ADAMTS12: variants seen among roughly 807,000 people sequenced by gnomAD.
ADAMTS12 encodes the protein ADAM metallopeptidase with thrombospondin type 1 motif 12, also known as A disintegrin and metalloproteinase with thrombospondin motifs 12.
A neutral mutation model predicts 167.8 loss-of-function variants in ADAMTS12; 118 were observed. The ratio of observed to expected loss-of-function variants is 0.70; its 90% CI spans 0.61 to 0.82. The LOEUF (loss-of-function observed/expected upper bound fraction) is 0.82, where lower values mean the gene tolerates loss of function less well. Among genes scored for constraint, ADAMTS12 ranks in the 40% least tolerant of loss-of-function variants. ADAMTS12 has a pLI of 0.00. For synonymous variants in ADAMTS12, 704 were observed against 716.9 expected, an observed-to-expected ratio of 0.98 and a Z score of 0.29; for missense variants, 1,916 against 1,998.8, an observed-to-expected ratio of 0.96 and a Z score of 0.79.
rs61753558 is a variant in ADAMTS12, at chr5:33,643,454, A to T, written c.1496T>A (p.Leu499Gln). 2.3e-3 allele frequency: 3,644 copies of T among 1,614,078 alleles called. 13 individuals are homozygous for T. The highest frequency in any genetic ancestry group is 2.5e-3 in the Non-Finnish European group (3,005 of 1,179,932). The change falls in exon 10 of 24, where the codon CTG (leucine) becomes CAG (glutamine). Residue 499 changes from leucine to glutamine, a missense_variant. By Grantham distance (113) the Leu-to-Gln change is moderately radical. Transcript: ENST00000504830. ...ACAAAAGCCCTTCACGGAGCACCAC[A>T]GTGTCTGGCAGACGTTCTAGAAAAC... Reference protein sequence around the residue: ...CQEVENVCQTLWCSVKGFCRS... With the variant: ...CQEVENVCQTQWCSVKGFCRS...
chr5:33,651,999 C>T (rs971273403), intron 7 of ADAMTS12, among the ~76,000 whole-genome samples: 11 of 152,096 alleles, frequency 7.2e-5, no homozygotes, highest in Non-Finnish European at 1.3e-4. Flanking sequence ...TGTAGTATTC[C>T]GTGGTCTATA....
intron 18 of ADAMTS12, among the ~76,000 whole-genome samples, chr5:33,583,256 G>C (rs564614973): frequency 6.6e-5 from 10 of 152,118 alleles, no homozygotes; most frequent in Non-Finnish European, 1.2e-4. Context: ...TTCCCTTTCT[G>C]TGCCTGGCTT....
chr5:33,561,286 C>A (rs1745739674), intron 19 of ADAMTS12, 107 bp from the exon 20 acceptor site: 1 of 1,368,000 alleles, frequency 7.3e-7, no homozygotes, highest in Non-Finnish European at 9.8e-7. Flanking sequence ...GCTAACATTG[C>A]CCACAGAGCT....
chr5:33,727,525 C>T (rs1744027887), intron 3 of ADAMTS12, among the ~76,000 whole-genome samples: 1 of 152,204 alleles, frequency 6.6e-6, no homozygotes. Context: ...TCCAGACTTT[C>T]CAAGGGCTTC....
chr5:33,546,968 T>A (rs563766373), intron 21 of ADAMTS12, among the ~76,000 whole-genome samples: 1 of 152,220 alleles, frequency 6.6e-6, no homozygotes, highest in Non-Finnish European at 1.5e-5. Flanking sequence ...TCAGGTAGTA[T>A]GTGTGTGGTA....
At chr5:33,835,907 ATCTCTCTCTCTCTCTC>A (rs60393220) in intron 2 of ADAMTS12, among the ~76,000 whole-genome samples, 8 of 111,794 alleles carry the variant, frequency 7.2e-5, no homozygotes, top group African/African-American at 3.1e-4. Context: ...GATAATATCC[ATCTCTCTCTCTCTCTC>A]TCTCTCTCTC....
At chr5:33,769,123 G>A (rs1034464913) in intron 2 of ADAMTS12, among the ~76,000 whole-genome samples, 3 of 151,996 alleles carry the variant, frequency 2.0e-5, no homozygotes, top group Non-Finnish European at 2.9e-5. Flanking sequence ...CTTGGAAGAT[G>A]GAGAAATGGG....
chr5:33,546,257 G>C, intron 21 of ADAMTS12, 55 bp from the exon 22 acceptor site: 3 of 1,525,842 alleles, frequency 2.0e-6, no homozygotes, highest in Non-Finnish European at 2.7e-6. Context: ...CATGTTTAAT[G>C]ATAAGTGAAG....
intron 3 of ADAMTS12, among the ~76,000 whole-genome samples, chr5:33,689,158 T>C (rs1317381724): frequency 6.6e-6 from 1 of 152,212 alleles, no homozygotes; most frequent in African/African-American, 2.4e-5. Flanking sequence ...CTAAACACTC[T>C]TGGATTTGAT....
chr5:33,751,243 G>T, intron 3 of ADAMTS12, 161 bp downstream of exon 3: 1 of 879,832 alleles, frequency 1.1e-6, no homozygotes, highest in Non-Finnish European at 1.7e-6. Context: ...TACACTTTCT[G>T]GCAAGAGAAT....
chr5:33,572,124 A>G (rs1306312304), intron 19 of ADAMTS12, among the ~76,000 whole-genome samples: 2 of 152,158 alleles, frequency 1.3e-5, no homozygotes, highest in African/African-American at 4.8e-5. Context: ...CCAACCAAAA[A>G]GAGTCCAGGA....
intron 21 of ADAMTS12, among the ~76,000 whole-genome samples, chr5:33,547,932 G>A (rs1402769675): frequency 6.6e-6 from 1 of 152,278 alleles, no homozygotes; most frequent in African/African-American, 2.4e-5. Flanking sequence ...CAGAGCCTGG[G>A]AGTAGCAGGC....
rs538396868 is a variant in ADAMTS12 at position 33,717,968 on chromosome 5, G to A, written c.634+33436C>T. Among the ~76,000 whole-genome samples the A allele has an allele frequency of 2.6e-5, 4 of 152,270 alleles. No homozygotes were observed. The South Asian group carries it at 6.2e-4, about 24-fold the overall frequency. The stretch of plus-strand genomic sequence containing the variant: ...ACTTATCTCCACAACAAACTTCTGT[G>A]TATTCTGTGTGTTCCCATTTGTGAG... On this transcript the variant is annotated intron_variant, in intron 3 of 23. Transcript: ENST00000504830.
At chr5:33,543,675 G>C (rs1240354055) in intron 22 of ADAMTS12, among the ~76,000 whole-genome samples, 1 of 152,138 alleles carries the variant, frequency 6.6e-6, no homozygotes, top group African/African-American at 2.4e-5. Flanking sequence ...TATCAAGTCG[G>C]CTTCATCCTT....
At chr5:33,718,732 A>G (rs1202972395) in intron 3 of ADAMTS12, among the ~76,000 whole-genome samples, 1 of 152,176 alleles carries the variant, frequency 6.6e-6, no homozygotes, top group Non-Finnish European at 1.5e-5. Context: ...GGGGCCGCAA[A>G]CTGGTCACCA....
intron 3 of ADAMTS12, among the ~76,000 whole-genome samples, chr5:33,713,604 C>T (rs1203800483): frequency 6.6e-6 from 1 of 151,826 alleles, no homozygotes; most frequent in South Asian, 2.1e-4. Context: ...CAAATAAAGA[C>T]AGGATGGCCA....
intron 9 of ADAMTS12, among the ~76,000 whole-genome samples, chr5:33,643,800 C>T (rs1005616293): frequency 6.6e-6 from 1 of 152,220 alleles, no homozygotes; most frequent in African/African-American, 2.4e-5. Flanking sequence ...TGGTGATCAT[C>T]TATGAAAGGT....
chr5:33,629,225 C>T (rs67150159), intron 13 of ADAMTS12, among the ~76,000 whole-genome samples: 52,625 of 151,874 alleles, frequency 0.35, 10,262 homozygotes, highest in African/African-American at 0.54. Context: ...GCATCTTTAG[C>T]CTGTGATGGA....
In ADAMTS12 at chr5:33,524,714, AAAC is replaced by A. The variant is rs1474471813; in HGVS notation, c.*2471_*2473del. On this transcript the variant is annotated 3_prime_UTR_variant, in exon 24 of 24. Transcript: ENST00000504830. ...CAACAGATGATACCAACAGGACAGA[AAAC>A]AGCAAGCCCTGTCTTCATTCTGGAG... is the stretch of plus-strand genomic sequence containing the variant. 1 of 152,248 alleles carries A rather than the reference AAAC, an allele frequency of 6.6e-6. No individual in the cohort carries two copies. Among genetic ancestry groups the A allele is most frequent in the Non-Finnish European group, 1.5e-5 (1 of 68,050 alleles). 9.4% of individuals were successfully genotyped at this position (152,248 alleles called of 1,614,324 possible).
Sources: allele counts gnomAD v4.1 joint callset (sites outside exome capture counted in the v4.1 genomes callset), GRCh38; gene constraint gnomAD v4.1.1; transcripts MANE v1.5; gene names NCBI Gene and HGNC (gene_info 2026-07-23, HGNC 2026-07-21).